KLF12: variants seen among roughly 807,000 people sequenced by gnomAD.
KLF12 encodes the protein KLF transcription factor 12, also known as Krueppel-like factor 12.
In KLF12, 9 loss-of-function variants were observed where a neutral mutation model predicts 37.8. The ratio of observed to expected loss-of-function variants is 0.24; its 90% CI spans 0.14 to 0.42. KLF12 has a LOEUF of 0.42. Ranked by LOEUF, KLF12 falls within the 10% of genes least tolerant of loss-of-function variation. The probability of loss-of-function intolerance (pLI) is 1.00; values close to 1 mark genes in which losing one functional copy is unlikely to be tolerated. For missense variants in KLF12, 411 were observed against 516.0 expected (o/e 0.80, Z 1.97); for synonymous variants, 208 against 202.1 (o/e 1.03, Z -0.25).
At chr13:73,956,377 A>AG (rs1437182411) in intron 2 of KLF12, among the ~76,000 whole-genome samples, 10 of 152,206 alleles carry the variant, frequency 6.6e-5, no homozygotes, top group Non-Finnish European at 1.3e-4. Context: ...CTTTGAGACC[A>AG]GGGTTTCTTG....
At chr13:74,296,754 C>T in the KLF12 span, among the ~76,000 whole-genome samples, 1 of 152,234 alleles carries the variant, frequency 6.6e-6, no homozygotes, top group African/African-American at 2.4e-5. Flanking sequence ...CATAAGAGAG[C>T]TTATTCCTCT....
chr13:74,095,042 T>C (rs1200486881), intron 1 of KLF12, among the ~76,000 whole-genome samples: 1 of 152,250 alleles, frequency 6.6e-6, no homozygotes, highest in Non-Finnish European at 1.5e-5. Context: ...TTATAGTTAA[T>C]GTGTTTCAAT....
intron 3 of KLF12, among the ~76,000 whole-genome samples, chr13:73,939,051 T>C (rs550192004): frequency 2.6e-5 from 4 of 152,332 alleles, no homozygotes; most frequent in Admixed American, 6.5e-5. Flanking sequence ...GCCGCACTAT[T>C]GCCGCTCTTC....
At chr13:73,993,428 A>G (rs1161487637) in intron 2 of KLF12, among the ~76,000 whole-genome samples, 4 of 152,342 alleles carry the variant, frequency 2.6e-5, no homozygotes, top group Non-Finnish European at 5.9e-5. Context: ...TTCATTTGTC[A>G]TAATAAAAAT....
intron 1 of KLF12, among the ~76,000 whole-genome samples, chr13:74,017,149 G>T (rs1255657387): frequency 6.7e-6 from 1 of 149,406 alleles, no homozygotes. Flanking sequence ...TCTTCATTTT[G>T]TGGGAACTCA....
chr13:74,027,418 G>A lies in KLF12; in HGVS notation c.-31-32365C>T, dbSNP rs191087417. 7.5e-3 allele frequency among the ~76,000 whole-genome samples: 1,144 copies of A among 152,184 alleles called. 7 individuals are homozygous for A. The highest frequency in any genetic ancestry group is 0.021 in the Middle Eastern group (6 of 292). ...CATGCATACATTTTGTCTTGGGAGC[G>A]GGGGGAGAGGGGTAGGTATGAGTGG... On this transcript the variant is annotated intron_variant, in intron 1 of 7. Coordinates refer to ENST00000377669, the MANE Select transcript of KLF12 (RefSeq NM_007249.5).
the KLF12 span, among the ~76,000 whole-genome samples, chr13:74,275,044 G>A: frequency 6.6e-6 from 1 of 152,094 alleles, no homozygotes. Flanking sequence ...GTGAAGCAAG[G>A]CACTGAGAAG....
At chr13:74,212,644 T>C in the KLF12 span, among the ~76,000 whole-genome samples, 1 of 152,136 alleles carries the variant, frequency 6.6e-6, no homozygotes. Flanking sequence ...TTTGACTATC[T>C]TGATGAGTGT....
chr13:73,775,751 T>C (rs1880570708), intron 5 of KLF12, among the ~76,000 whole-genome samples: 1 of 152,174 alleles, frequency 6.6e-6, no homozygotes. Context: ...AAGTAATAAG[T>C]AGTTGAGGAA....
intron 2 of KLF12, among the ~76,000 whole-genome samples, chr13:73,957,875 C>G (rs937452361): frequency 6.6e-6 from 1 of 152,058 alleles, no homozygotes; most frequent in African/African-American, 2.4e-5. Flanking sequence ...TTAAAAGATA[C>G]GCTGGGCAGT....
chr13:74,009,850 A>G (rs1271432029), intron 1 of KLF12, among the ~76,000 whole-genome samples: 1 of 152,210 alleles, frequency 6.6e-6, no homozygotes, highest in Non-Finnish European at 1.5e-5. Flanking sequence ...TCTAGCTACC[A>G]TTTGGGAAGC....
chr13:73,994,020 G>C (rs1251003547), intron 2 of KLF12, among the ~76,000 whole-genome samples: 2 of 152,134 alleles, frequency 1.3e-5, no homozygotes, highest in Non-Finnish European at 2.9e-5. Flanking sequence ...AGTCTCCCTT[G>C]AACAATATCT....
At chr13:74,189,123 C>T in the KLF12 span, among the ~76,000 whole-genome samples, 4 of 152,160 alleles carry the variant, frequency 2.6e-5, no homozygotes. Flanking sequence ...GTTTCATAAA[C>T]CTATTTGATC....
the KLF12 span, among the ~76,000 whole-genome samples, chr13:74,260,187 G>A: frequency 2.1e-4 from 32 of 152,074 alleles, no homozygotes; most frequent in Non-Finnish European, 4.0e-4. Flanking sequence ...CTCAGAGTAT[G>A]TGCTTTGGTA....
chr13:74,295,552 T>A, the KLF12 span, among the ~76,000 whole-genome samples: 1 of 152,156 alleles, frequency 6.6e-6, no homozygotes, highest in Non-Finnish European at 1.5e-5. Flanking sequence ...TGTGGTGTGT[T>A]GTTATGATTT....
At chr13:74,303,451 T>G in the KLF12 span, among the ~76,000 whole-genome samples, 3 of 152,204 alleles carry the variant, frequency 2.0e-5, no homozygotes, top group Non-Finnish European at 4.4e-5. Context: ...TGTCATTCTT[T>G]CTTTCTAATA....
the KLF12 span, among the ~76,000 whole-genome samples, chr13:74,174,165 C>A: frequency 6.6e-6 from 1 of 152,088 alleles, no homozygotes; most frequent in African/African-American, 2.4e-5. Context: ...TACCCATAAT[C>A]CAATCTTTGC....
At chr13:74,295,934 G>A in the KLF12 span, among the ~76,000 whole-genome samples, 8 of 151,830 alleles carry the variant, frequency 5.3e-5, no homozygotes, top group Admixed American at 1.3e-4. Context: ...CCACCTCAGC[G>A]TCCTGAGTAG....
chr13:73,984,793 A>C (rs1891781689), intron 2 of KLF12, among the ~76,000 whole-genome samples: 1 of 152,196 alleles, frequency 6.6e-6, no homozygotes, highest in African/African-American at 2.4e-5. Flanking sequence ...AACGTTACGG[A>C]TTCCTCCAGT....
Sources: gnomAD v4.1 joint callset for allele counts (sites outside exome capture counted in the v4.1 genomes callset) on GRCh38, gnomAD v4.1.1 for gene constraint, MANE v1.5 for transcripts, NCBI Gene and HGNC (gene_info 2026-07-23, HGNC 2026-07-21) for gene names.